PHF24: variants seen among roughly 807,000 people sequenced by gnomAD.
The protein encoded by PHF24 is Galpha inhibitory interacting protein.
A neutral mutation model predicts 42.6 loss-of-function variants in PHF24; 25 were observed. That is an observed-to-expected ratio of 0.59 (90% CI 0.43 to 0.82). PHF24 has a LOEUF of 0.82. Ranked by LOEUF, PHF24 falls within the 40% of genes least tolerant of loss-of-function variation. PHF24 has a pLI of 0.00. For synonymous variants in PHF24, 185 were observed against 204.8 expected, an observed-to-expected ratio of 0.90 and a Z score of 0.83; for missense variants, 470 against 538.1, an observed-to-expected ratio of 0.87 and a Z score of 1.25.
At chr9:34,867,471 C>T in the PHF24 span, among the ~76,000 whole-genome samples, 1 of 151,208 alleles carries the variant, frequency 6.6e-6, no homozygotes. Flanking sequence ...TAAAAATAGC[C>T]TGTAGGCTAC....
the PHF24 span, among the ~76,000 whole-genome samples, chr9:34,857,526 T>G: frequency 6.6e-6 from 1 of 152,198 alleles, no homozygotes; most frequent in East Asian, 1.9e-4. Context: ...AATCACTCAC[T>G]GCTTCCCTTG....
the PHF24 span, among the ~76,000 whole-genome samples, chr9:34,673,830 C>G: frequency 6.6e-6 from 1 of 152,120 alleles, no homozygotes; most frequent in Non-Finnish European, 1.5e-5. Flanking sequence ...ACCATGTTAG[C>G]CAGGATGGTC....
chr9:34,826,451 G>A, the PHF24 span, among the ~76,000 whole-genome samples: 2 of 152,194 alleles, frequency 1.3e-5, no homozygotes, highest in Admixed American at 6.5e-5. Flanking sequence ...AAGCAGCAGA[G>A]GCCCAGCCAC....
chr9:34,722,832 T>C, the PHF24 span, among the ~76,000 whole-genome samples: 1 of 152,158 alleles, frequency 6.6e-6, no homozygotes, highest in African/African-American at 2.4e-5. Context: ...TATGGGACAG[T>C]GGAAAATATT....
the PHF24 span, among the ~76,000 whole-genome samples, chr9:34,757,564 CT>C: frequency 6.6e-6 from 1 of 151,958 alleles, no homozygotes; most frequent in Non-Finnish European, 1.5e-5. Flanking sequence ...GAACAGTCAC[CT>C]TTTCTCATTT....
chr9:34,845,828 C>T, the PHF24 span, among the ~76,000 whole-genome samples: 31 of 148,570 alleles, frequency 2.1e-4, no homozygotes, highest in African/African-American at 7.2e-4. Context: ...CAGTTCCCAC[C>T]TATGAGTGAG....
chr9:34,946,438 C>T, the PHF24 span, among the ~76,000 whole-genome samples: 1 of 152,156 alleles, frequency 6.6e-6, no homozygotes, highest in Non-Finnish European at 1.5e-5. Flanking sequence ...GACACTATTT[C>T]TCTTGTAAGT....
the PHF24 span, among the ~76,000 whole-genome samples, chr9:34,877,896 C>T: frequency 6.6e-6 from 1 of 151,940 alleles, no homozygotes; most frequent in Non-Finnish European, 1.5e-5. Flanking sequence ...CCTGACAGAC[C>T]GTGATGTGTG....
chr9:34,819,084 A>G, the PHF24 span, among the ~76,000 whole-genome samples: 1 of 152,116 alleles, frequency 6.6e-6, no homozygotes, highest in Non-Finnish European at 1.5e-5. Flanking sequence ...TGTTGGCATA[A>G]AGTTATTCAT....
chr9:34,974,487 C>T (rs190737866), intron 3 of PHF24, among the ~76,000 whole-genome samples: 204 of 152,276 alleles, frequency 1.3e-3, no homozygotes, highest in African/African-American at 3.9e-3. Context: ...CCACCGTTAA[C>T]ATTACCTCCC....
At chr9:34,917,878 T>C in the PHF24 span, 51 of 1,572,478 alleles carry the variant, frequency 3.2e-5, no homozygotes, top group Non-Finnish European at 4.1e-5. Context: ...TTTGGAGTGA[T>C]AGCAACCTTT....
At chr9:34,779,940 G>T in the PHF24 span, among the ~76,000 whole-genome samples, 3,307 of 152,200 alleles carry the variant, frequency 0.022, 134 homozygotes, top group African/African-American at 0.074. Flanking sequence ...TGGTCAGGCT[G>T]GTCTCGAACT....
the PHF24 span, among the ~76,000 whole-genome samples, chr9:34,680,382 AAAAAAAT>A: frequency 2.7e-5 from 4 of 148,588 alleles, no homozygotes; most frequent in African/African-American, 9.9e-5. Context: ...CTCAAAAAAT[AAAAAAAT>A]AAAAAATAAA....
At chr9:34,737,528 G>A in the PHF24 span, among the ~76,000 whole-genome samples, 5 of 152,064 alleles carry the variant, frequency 3.3e-5, no homozygotes, top group Admixed American at 1.3e-4. Flanking sequence ...TTTTGTTCCC[G>A]TTTTCAGTTC....
the PHF24 span, chr9:34,835,345 C>T: frequency 1.9e-5 from 29 of 1,551,088 alleles, no homozygotes; most frequent in Non-Finnish European, 2.4e-5. Context: ...GCATAAGCTG[C>T]CTCAGGGACT....
the PHF24 span, chr9:34,724,419 G>T: frequency 9.7e-6 from 15 of 1,550,766 alleles, no homozygotes; most frequent in Non-Finnish European, 1.3e-5. Flanking sequence ...AGTTCCTGGA[G>T]CAATGTCTCC....
At chr9:34,854,778 G>A in the PHF24 span, among the ~76,000 whole-genome samples, 1 of 152,194 alleles carries the variant, frequency 6.6e-6, no homozygotes, top group Non-Finnish European at 1.5e-5. Flanking sequence ...GAGTTCTGTA[G>A]ATATCGATCA....
At chr9:34,972,995 A>C (rs1827058275) in intron 3 of PHF24, among the ~76,000 whole-genome samples, 2 of 151,614 alleles carry the variant, frequency 1.3e-5, no homozygotes, top group South Asian at 4.2e-4. Context: ...ACCTCAGTAC[A>C]TTTTAGGCTG....
the PHF24 span, among the ~76,000 whole-genome samples, chr9:34,857,505 C>T: frequency 6.6e-6 from 1 of 152,278 alleles, no homozygotes; most frequent in South Asian, 2.1e-4. Context: ...GTTTCCCAGG[C>T]AGGGTCACAC....
Sources: allele counts gnomAD v4.1 joint callset (sites outside exome capture counted in the v4.1 genomes callset), GRCh38; gene constraint gnomAD v4.1.1; transcripts MANE v1.5; gene names NCBI Gene and HGNC (gene_info 2026-07-23, HGNC 2026-07-21).